COL4A6: variants seen among roughly 807,000 people sequenced by gnomAD.
The protein encoded by COL4A6 is collagen type IV alpha 6 chain.
In COL4A6, 59 loss-of-function variants were observed where a neutral mutation model predicts 126.7. The ratio of observed to expected loss-of-function variants is 0.47; its 90% CI spans 0.38 to 0.58. COL4A6 has a LOEUF of 0.58. Among genes scored for constraint, COL4A6 ranks in the 20% least tolerant of loss-of-function variants. COL4A6 has a pLI of 0.00. For missense variants in COL4A6, 1,285 were observed against 1,337.3 expected, an observed-to-expected ratio of 0.96 and a Z score of 0.61; for synonymous variants, 547 against 496.6, an observed-to-expected ratio of 1.10 and a Z score of -1.35.
At chrX:108,325,204 T>G (rs975485643) in intron 2 of COL4A6, among the ~76,000 whole-genome samples, 3 of 112,358 alleles carry the variant, frequency 2.7e-5, no homozygotes, top group African/African-American at 6.5e-5. Flanking sequence ...TTTAAACTTT[T>G]TGGGCTTAAT....
At chrX:108,391,790 G>C (rs1308487330) in intron 2 of COL4A6, among the ~76,000 whole-genome samples, 1 of 112,404 alleles carries the variant, frequency 8.9e-6, no homozygotes, top group Non-Finnish European at 1.9e-5. Flanking sequence ...TGTGCTTCCT[G>C]TGTGAGGCGC....
At chrX:108,365,611 C>T (rs1603169956) in intron 2 of COL4A6, among the ~76,000 whole-genome samples, 1 of 112,163 alleles carries the variant, frequency 8.9e-6, no homozygotes, top group East Asian at 2.8e-4. Context: ...GCAAGACAGA[C>T]ACTGCTAAAT....
chrX:108,269,456 A>G (rs978592082), intron 3 of COL4A6, among the ~76,000 whole-genome samples: 1 of 111,630 alleles, frequency 9.0e-6, no homozygotes, highest in African/African-American at 3.3e-5. Context: ...GATCTCAGAG[A>G]TACTAGCTCA....
intron 9 of COL4A6, 96 bp downstream of exon 9, chrX:108,206,422 G>A: frequency 1.1e-6 from 1 of 918,703 alleles, no homozygotes; most frequent in Non-Finnish European, 1.6e-6. Context: ...CACCCAGGAG[G>A]ACCTAAATTA....
At chrX:108,296,813 C>T (rs1033753694) in intron 3 of COL4A6, among the ~76,000 whole-genome samples, 2 of 112,016 alleles carry the variant, frequency 1.8e-5, no homozygotes, top group African/African-American at 6.5e-5. Context: ...AGACCAAGCC[C>T]TCTACTCTTG....
intron 2 of COL4A6, among the ~76,000 whole-genome samples, chrX:108,388,154 C>A (rs902731589): frequency 8.9e-6 from 1 of 112,011 alleles, no homozygotes; most frequent in Non-Finnish European, 1.9e-5. Flanking sequence ...CAAAGTTCAT[C>A]AGGGATATTG....
intron 3 of COL4A6, among the ~76,000 whole-genome samples, chrX:108,250,262 G>C (rs1201641638): frequency 2.7e-5 from 3 of 110,449 alleles, no homozygotes; most frequent in African/African-American, 9.9e-5. Context: ...CTGAAAGCTG[G>C]AGGCAAAGAT....
At chrX:108,356,775 A>G (rs1357549977) in intron 2 of COL4A6, among the ~76,000 whole-genome samples, 2 of 112,067 alleles carry the variant, frequency 1.8e-5, no homozygotes, top group Non-Finnish European at 3.8e-5. Context: ...ATAAGTATGA[A>G]GAAACTGGCA....
chrX:108,273,189 T>C (rs1202274236), intron 3 of COL4A6, among the ~76,000 whole-genome samples: 1 of 111,000 alleles, frequency 9.0e-6, no homozygotes, highest in African/African-American at 3.3e-5. Context: ...CAGACACTTC[T>C]CAAAAGAAGA....
chrX:108,313,353 G>C (rs1425289853), intron 2 of COL4A6, among the ~76,000 whole-genome samples: 1 of 111,678 alleles, frequency 9.0e-6, no homozygotes, highest in African/African-American at 3.3e-5. Flanking sequence ...AACTGGAAAG[G>C]CTTTGGGAGA....
intron 2 of COL4A6, among the ~76,000 whole-genome samples, chrX:108,371,436 A>AT (rs1195064378): frequency 9.1e-6 from 1 of 110,204 alleles, no homozygotes; most frequent in African/African-American, 3.3e-5. Context: ...GCACATATAT[A>AT]TTAGAACTTA....
At chrX:108,268,993 C>T (rs1227498218) in intron 3 of COL4A6, 2 of 305,063 alleles carry the variant, frequency 6.6e-6, no homozygotes, top group Non-Finnish European at 1.3e-5. Context: ...AGTAATCTGT[C>T]TTCCAGTCTT....
intron 3 of COL4A6, among the ~76,000 whole-genome samples, chrX:108,236,347 G>A (rs1456255463): frequency 9.0e-6 from 1 of 111,070 alleles, no homozygotes; most frequent in African/African-American, 3.3e-5. Context: ...GGGTTGTTAC[G>A]GGGGTGGGAG....
At chrX:108,185,885 C>G (rs2034844511) in intron 23 of COL4A6, among the ~76,000 whole-genome samples, 1 of 111,533 alleles carries the variant, frequency 9.0e-6, no homozygotes, top group Non-Finnish European at 1.9e-5. Context: ...TATCTTGAAC[C>G]CTGAAAGAGG....
chrX:108,294,943 A>G (rs2038280669), intron 3 of COL4A6, among the ~76,000 whole-genome samples: 1 of 112,156 alleles, frequency 8.9e-6, no homozygotes, highest in Non-Finnish European at 1.9e-5. Flanking sequence ...TAAATGAGAC[A>G]TATATAGAAT....
chrX:108,307,702 A>G (rs763396691), intron 3 of COL4A6, among the ~76,000 whole-genome samples: 12 of 112,152 alleles, frequency 1.1e-4, no homozygotes, highest in Admixed American at 8.5e-4. Context: ...AGCTTGAAAT[A>G]TAAATGGTGC....
chrX:108,255,998 C>T (rs1177107199), intron 3 of COL4A6, among the ~76,000 whole-genome samples: 1 of 110,959 alleles, frequency 9.0e-6, no homozygotes, highest in Non-Finnish European at 1.9e-5. Context: ...AGCTCTACCA[C>T]CAACTTTCTG....
rs778266168 is a variant in COL4A6 at position 108,174,524 on chromosome X, G to A, written c.3054C>T (p.Pro1018=). The change falls in exon 31 of 45, where the codon CCC becomes CCT. Residue 1018 remains proline, a synonymous_variant. Transcript: ENST00000334504. ...IIKGVSGKPG[P]PGFMGIRGLP... ...AGCCCCGGATTCCCATGAAGCCAGG[G>A]GGCCCTGGCTTTCCACTAACTCCTT... 2 of 1,210,457 alleles carry A rather than the reference G, an allele frequency of 1.7e-6. No individual in the cohort carries two copies. The highest frequency in any genetic ancestry group is 2.2e-6 in the Non-Finnish European group (2 of 894,727).
chrX:108,159,802 A>G (rs776678209), intron 43 of COL4A6, 54 bp from the exon 44 acceptor site: 1 of 1,179,545 alleles, frequency 8.5e-7, no homozygotes, highest in Non-Finnish European at 1.2e-6. Flanking sequence ...AGGGGCTTTG[A>G]CGAGATGGTG....
Sources: allele counts gnomAD v4.1 joint callset (sites outside exome capture counted in the v4.1 genomes callset), GRCh38; gene constraint gnomAD v4.1.1; transcripts MANE v1.5; gene names NCBI Gene and HGNC (gene_info 2026-07-23, HGNC 2026-07-21).